ARL6: variants seen among roughly 807,000 people sequenced by gnomAD.
ARL6 encodes ADP-ribosylation factor-like protein 6.
In ARL6, 18 loss-of-function variants were observed where a neutral mutation model predicts 27.1. The ratio of observed to expected loss-of-function variants is 0.66; its 90% CI spans 0.46 to 0.98. The LOEUF (loss-of-function observed/expected upper bound fraction) is 0.98, where lower values mean the gene tolerates loss of function less well. Among genes scored for constraint, ARL6 ranks in the 50% least tolerant of loss-of-function variants. ARL6 has a pLI of 0.00. For synonymous variants in ARL6, 65 were observed against 72.3 expected, an observed-to-expected ratio of 0.90 and a Z score of 0.51; for missense variants, 187 against 214.9, an observed-to-expected ratio of 0.87 and a Z score of 0.81.
intron 1 of ARL6, 84 bp from the exon 2 acceptor site, chr3:97,767,994 AATT>A (rs1442455384): frequency 2.5e-6 from 3 of 1,211,326 alleles, no homozygotes; most frequent in African/African-American, 1.5e-5. Flanking sequence ...TGTGTATTTA[AATT>A]ATTACCTTTT....
At chr3:97,797,427 T>G (rs1222407132) in intron 7 of ARL6, among the ~76,000 whole-genome samples, 1 of 151,722 alleles carries the variant, frequency 6.6e-6, no homozygotes, top group Non-Finnish European at 1.5e-5. Context: ...ATTTACAGAG[T>G]CATCATATTG....
At chr3:97,768,523 G>A (rs879224103) in intron 2 of ARL6, among the ~76,000 whole-genome samples, 1 of 152,022 alleles carries the variant, frequency 6.6e-6, no homozygotes, top group Admixed American at 6.6e-5. Flanking sequence ...CTTACAGGAG[G>A]AGCAAAACAG....
Position 97,794,999 on chromosome 3 carries a change from C to T in ARL6, c.536-3025C>T, listed in dbSNP as rs560937137. 2.0e-5 allele frequency among the ~76,000 whole-genome samples: 3 copies of T among 152,172 alleles called. No homozygotes were observed. In the South Asian group the frequency reaches 6.2e-4, roughly 32 times the overall value. On this transcript the variant is annotated intron_variant, in intron 7 of 7. Coordinates refer to ENST00000463745, the MANE Select transcript of ARL6 (RefSeq NM_001278293.3). ...GCTGCTAGGGAGGCTTAGACAGGAA[C>T]TCTGGGGGTGGAGGTTGCAGTGAGC...
intron 5 of ARL6, 35 bp downstream of exon 5, chr3:97,785,084 T>C (rs374367348): frequency 6.6e-7 from 1 of 1,525,878 alleles, no homozygotes; most frequent in East Asian, 2.3e-5. Context: ...ATCTGTTCTT[T>C]GGGGTTCATT....
upstream of ARL6, chr3:97,764,675 A>G (rs1037200216): frequency 6.6e-6 from 1 of 152,244 alleles, no homozygotes. Context: ...GCTATAGCAC[A>G]ACGGCTGAAT....
chr3:97,798,675 C>T lies in ARL6; in HGVS notation c.*626C>T, dbSNP rs1447888487. On this transcript the variant is annotated 3_prime_UTR_variant, in exon 8 of 8. Transcript: ENST00000463745. ...ATTCAGTGTATGTTGAACATCTCTA[C>T]ACCAACTAGTCAGACATAGTCCTAG... 6.6e-6 allele frequency: 1 copy of T among 152,160 alleles called. No individual in the cohort carries two copies. The highest frequency in any genetic ancestry group is 1.5e-5 in the Non-Finnish European group (1 of 68,056). 9.4% of individuals were successfully genotyped at this position (152,160 alleles called of 1,614,324 possible).
At position 97,798,662 on chromosome 3, in the gene ARL6, T is replaced by C. The variant is rs1244621002; in HGVS notation, c.*613T>C. 1 of 152,442 alleles carries C rather than the reference T, an allele frequency of 6.6e-6. No homozygotes were observed. The highest frequency in any genetic ancestry group is 2.4e-5 in the African/African-American group (1 of 41,450). 9.4% of individuals were successfully genotyped at this position (152,442 alleles called of 1,614,324 possible). ...GCTGAATTTATTTATTCAGTGTATG[T>C]TGAACATCTCTACACCAACTAGTCA... On this transcript the variant is annotated 3_prime_UTR_variant, in exon 8 of 8. Coordinates refer to ENST00000463745, the MANE Select transcript of ARL6 (RefSeq NM_001278293.3).
chr3:97,788,005 G>T lies in ARL6; in HGVS notation c.365G>T (p.Arg122Leu). The T allele has an allele frequency of 6.2e-7, 1 of 1,613,198 alleles. No individual in the cohort carries two copies. The highest frequency in any genetic ancestry group is 8.5e-7 in the Non-Finnish European group (1 of 1,179,460). Residue 122 changes from arginine to leucine, a missense_variant, in exon 6 of 8, where the codon CGA becomes CTA. Transcript: ENST00000463745. ...TCTCTTTTAGATATTAAACACCGTC[G>T]AATTCCAATCTTATTCTTTGCAAAT... ...LLNHPDIKHR[R>L]IPILFFANKM...
At chr3:97,781,478 T>G (rs1411863110) in intron 4 of ARL6, among the ~76,000 whole-genome samples, 1 of 152,130 alleles carries the variant, frequency 6.6e-6, no homozygotes, top group Non-Finnish European at 1.5e-5. Context: ...AGGTCATATG[T>G]AGGCATTGTA....
chr3:97,795,530 C>T (rs926988720), intron 7 of ARL6, among the ~76,000 whole-genome samples: 5 of 151,818 alleles, frequency 3.3e-5, no homozygotes, highest in African/African-American at 4.8e-5. Context: ...TTAATATATA[C>T]GGACAAAAAG....
chr3:97,795,269 G>T (rs920314588), intron 7 of ARL6, among the ~76,000 whole-genome samples: 1 of 152,110 alleles, frequency 6.6e-6, no homozygotes, highest in African/African-American at 2.4e-5. Context: ...AACTATTGCA[G>T]AACTGTAAGT....
chr3:97,768,980 A>G (rs1331982602), intron 2 of ARL6, among the ~76,000 whole-genome samples: 1 of 152,020 alleles, frequency 6.6e-6, no homozygotes, highest in Non-Finnish European at 1.5e-5. Flanking sequence ...CCCTTCCTAC[A>G]CCAAGCTCAA....
At chr3:97,777,060 C>T (rs1256577337) in intron 2 of ARL6, among the ~76,000 whole-genome samples, 1 of 152,190 alleles carries the variant, frequency 6.6e-6, no homozygotes, top group Non-Finnish European at 1.5e-5. Flanking sequence ...TATAAACGAG[C>T]ATAGATTTTT....
chr3:97,787,858 T>C, intron 5 of ARL6, 132 bp from the exon 6 acceptor site: 1 of 907,522 alleles, frequency 1.1e-6, no homozygotes, highest in Non-Finnish European at 1.7e-6. Context: ...GTATGTGTCT[T>C]TAAATGTTTC....
At chr3:97,771,767 G>GT (rs1227412440) in intron 2 of ARL6, among the ~76,000 whole-genome samples, 1 of 152,058 alleles carries the variant, frequency 6.6e-6, no homozygotes, top group Non-Finnish European at 1.5e-5. Context: ...TTTATCAAAA[G>GT]TTTTTTCAAC....
Position 97,785,054 on chromosome 3 carries a change from G to A in ARL6, c.349+5G>A, listed in dbSNP as rs766054723. The A allele has an allele frequency of 6.2e-7, 1 of 1,609,302 alleles. No homozygotes were observed. Among genetic ancestry groups the A allele is most frequent in the Non-Finnish European group, 8.5e-7 (1 of 1,175,942 alleles). ...ATACTCTTCTGAATCATCCAGGTATGTGTGTGTCTTTCAGTCTGTATCTGT... is the reference window on the plus strand; with the variant it reads ...ATACTCTTCTGAATCATCCAGGTATATGTGTGTCTTTCAGTCTGTATCTGT... On this transcript the variant is annotated splice_donor_5th_base_variant and intron_variant, in intron 5 of 7. Coordinates refer to ENST00000463745, the MANE Select transcript of ARL6 (RefSeq NM_001278293.3).
intron 2 of ARL6, among the ~76,000 whole-genome samples, chr3:97,776,815 C>T (rs145440868): frequency 6.6e-6 from 1 of 152,238 alleles, no homozygotes; most frequent in African/African-American, 2.4e-5. Context: ...CGCCACCACA[C>T]CCCACTACTT....
chr3:97,783,701 T>C (rs1297891705), intron 4 of ARL6, among the ~76,000 whole-genome samples: 1 of 151,790 alleles, frequency 6.6e-6, no homozygotes, highest in African/African-American at 2.4e-5. Context: ...ATATAAAAAG[T>C]TTTATTTTGT....
chr3:97,787,473 T>C (rs1042697980), intron 5 of ARL6, among the ~76,000 whole-genome samples: 1 of 152,188 alleles, frequency 6.6e-6, no homozygotes, highest in African/African-American at 2.4e-5. Flanking sequence ...TATGCCATTT[T>C]GTATCTTCTG....
Sources: allele counts gnomAD v4.1 joint callset (sites outside exome capture counted in the v4.1 genomes callset), GRCh38; gene constraint gnomAD v4.1.1; transcripts MANE v1.5; gene names NCBI Gene and HGNC (gene_info 2026-07-23, HGNC 2026-07-21).